SLC1A3: variants seen among roughly 807,000 people sequenced by gnomAD.
SLC1A3 encodes solute carrier family 1 member 3.
Under a neutral mutation model 48.1 loss-of-function variants are expected in SLC1A3, and 21 were observed. The observed-to-expected ratio is 0.44, with a 90% CI of 0.31 to 0.63. SLC1A3 has a LOEUF of 0.63. Among genes scored for constraint, SLC1A3 ranks in the 20% least tolerant of loss-of-function variants. The pLI, the probability that SLC1A3 is intolerant of heterozygous loss-of-function variation, is 0.08. For synonymous variants in SLC1A3, 239 were observed against 251.4 expected, an observed-to-expected ratio of 0.95 and a Z score of 0.47; for missense variants, 546 against 689.0, an observed-to-expected ratio of 0.79 and a Z score of 2.32.
intron 3 of SLC1A3, among the ~76,000 whole-genome samples, chr5:36,660,817 T>C (rs1417590137): frequency 6.6e-6 from 1 of 152,196 alleles, no homozygotes; most frequent in Non-Finnish European, 1.5e-5. Flanking sequence ...TGAAAGGGGG[T>C]GCCGTTGGCC....
At chr5:36,662,077 G>A (rs550150089) in intron 3 of SLC1A3, among the ~76,000 whole-genome samples, 26 of 152,328 alleles carry the variant, frequency 1.7e-4, no homozygotes, top group African/African-American at 5.1e-4. Context: ...TGGAAAGAAA[G>A]GGAGACAGGC....
rs1183605315 is a variant in SLC1A3, at chr5:36,687,784, G to T, written c.*1515G>T. 1 of 152,578 alleles carries T rather than the reference G, an allele frequency of 6.6e-6. No individual in the cohort carries two copies. The highest frequency in any genetic ancestry group is 1.9e-4 in the East Asian group (1 of 5,192). 9.5% of individuals were successfully genotyped at this position (152,578 alleles called of 1,614,324 possible). ...AGGTTATGAGAAAAAAACAGCAGGG[G>T]CATTAGTTTCAGGCAAGGCAGCTCC... On this transcript the variant is annotated 3_prime_UTR_variant, in exon 10 of 10. Coordinates refer to ENST00000265113, the MANE Select transcript of SLC1A3 (RefSeq NM_004172.5).
intron 2 of SLC1A3, among the ~76,000 whole-genome samples, chr5:36,614,783 G>T (rs979344278): frequency 1.3e-5 from 2 of 152,118 alleles, no homozygotes; most frequent in Non-Finnish European, 2.9e-5. Context: ...TGCCACTCTG[G>T]TCAGAGTGGG....
intron 3 of SLC1A3, chr5:36,666,483 C>G (rs145693715): frequency 1.3e-5 from 2 of 152,300 alleles, no homozygotes; most frequent in African/African-American, 4.8e-5. Context: ...GTTCCAGTGG[C>G]CCTGGAAGAA....
chr5:36,684,826 C>A (rs116205636), intron 9 of SLC1A3, among the ~76,000 whole-genome samples: 1 of 152,142 alleles, frequency 6.6e-6, no homozygotes, highest in East Asian at 1.9e-4. Context: ...TGTGTGAGAC[C>A]GGGCAGATTA....
chr5:36,596,663 G>C (rs1277196940), exon 1 of SLC1A3, among the ~76,000 whole-genome samples: 1 of 152,232 alleles, frequency 6.6e-6, no homozygotes, highest in Non-Finnish European at 1.5e-5. Context: ...CAGCTACCCT[G>C]TGCAGGGCTT....
intron 3 of SLC1A3, among the ~76,000 whole-genome samples, chr5:36,655,443 C>G (rs1741249017): frequency 6.6e-6 from 1 of 152,206 alleles, no homozygotes; most frequent in African/African-American, 2.4e-5. Context: ...GACTGGCTGC[C>G]TCCTGAGTGC....
intron 3 of SLC1A3, among the ~76,000 whole-genome samples, chr5:36,662,797 C>CG (rs1741570351): frequency 6.6e-6 from 1 of 152,170 alleles, no homozygotes; most frequent in African/African-American, 2.4e-5. Flanking sequence ...CTGGGAAGAT[C>CG]GCGGGACTGT....
chr5:36,683,809 C>T, intron 8 of SLC1A3, 55 bp from the exon 9 acceptor site: 1 of 1,606,802 alleles, frequency 6.2e-7, no homozygotes, highest in East Asian at 2.2e-5. Context: ...AGCGTATATG[C>T]TCTACGTGGG....
Position 36,686,255 on chromosome 5 carries a change from G to A in SLC1A3, c.1615G>A (p.Glu539Lys). ...DNETEKPIDS[E>K]TKM is the part of the protein sequence containing the mutation. ...TGAAACTGAGAAACCCATCGACAGT[G>A]AAACCAAGATGTAGACTAACATAAA... Residue 539 changes from glutamate (E) to lysine (K), a missense_variant, in exon 10 of 10, where the codon GAA (glutamate) becomes AAA (lysine). This residue lies in a region of SLC1A3 where 56 missense variants were observed against 59.0 expected (regional missense o/e 0.95). Transcript: ENST00000265113. 1 of 1,612,604 alleles carries A rather than the reference G, an allele frequency of 6.2e-7. No individual in the cohort carries two copies.
chr5:36,599,446 G>A (rs148746664), intron 1 of SLC1A3, among the ~76,000 whole-genome samples: 21 of 149,362 alleles, frequency 1.4e-4, no homozygotes, highest in Middle Eastern at 3.7e-3. Flanking sequence ...TGCCACCTAC[G>A]TCCCTAGGAA....
At chr5:36,636,757 T>C (rs1740407587) in intron 3 of SLC1A3, among the ~76,000 whole-genome samples, 1 of 151,994 alleles carries the variant, frequency 6.6e-6, no homozygotes. Context: ...GAAAAGGTGC[T>C]TGACAGGCTT....
At chr5:36,683,778 T>C in intron 8 of SLC1A3, 86 bp from the exon 9 acceptor site, 1 of 1,446,790 alleles carries the variant, frequency 6.9e-7, no homozygotes, top group Non-Finnish European at 9.7e-7. Context: ...AAGTCAGGCA[T>C]CGGCACCGTG....
At position 36,629,566 on chromosome 5, in the gene SLC1A3, A is replaced by G. The variant is rs1740054514; in HGVS notation, c.298A>G (p.Ile100Val). 6.2e-7 allele frequency: 1 copy of G among 1,613,062 alleles called. No individual in the cohort carries two copies. The highest frequency in any genetic ancestry group is 8.5e-7 in the Non-Finnish European group (1 of 1,179,510). ...GTTACAGATGCTGGTCTTACCACTT[A>G]TCATCTCCAGTCTTGTCACAGGTAC... ...RMLQMLVLPL[I>V]ISSLVTGMAA... The change falls in exon 3 of 10, where the codon ATC becomes GTC. Residue 100 changes from isoleucine to valine, a missense_variant. This residue lies in a region of SLC1A3 where 348 missense variants were observed against 392.0 expected (regional missense o/e 0.89). Transcript: ENST00000265113.
At chr5:36,651,233 G>C (rs1400583752) in intron 3 of SLC1A3, among the ~76,000 whole-genome samples, 3 of 150,360 alleles carry the variant, frequency 2.0e-5, no homozygotes, top group Non-Finnish European at 4.4e-5. Flanking sequence ...CCCACACCAG[G>C]CTTGCTGACT....
At chr5:36,674,753 A>G (rs538516995) in intron 5 of SLC1A3, among the ~76,000 whole-genome samples, 30 of 152,250 alleles carry the variant, frequency 2.0e-4, no homozygotes, top group South Asian at 6.2e-4. Context: ...TCGGAATTCA[A>G]ATTCATTGTG....
At chr5:36,632,810 C>T (rs368926448) in intron 3 of SLC1A3, among the ~76,000 whole-genome samples, 2 of 152,184 alleles carry the variant, frequency 1.3e-5, no homozygotes, top group South Asian at 4.1e-4. Flanking sequence ...ATATTTTTTA[C>T]TTGAAACATC....
chr5:36,653,875 G>A (rs1280889748), intron 3 of SLC1A3, among the ~76,000 whole-genome samples: 4 of 152,214 alleles, frequency 2.6e-5, no homozygotes, highest in South Asian at 2.1e-4. Context: ...AGAGAGCCTC[G>A]CTCTGTCGCC....
At chr5:36,614,211 C>T (rs1739333478) in intron 2 of SLC1A3, among the ~76,000 whole-genome samples, 1 of 152,204 alleles carries the variant, frequency 6.6e-6, no homozygotes, top group African/African-American at 2.4e-5. Flanking sequence ...AAGTGCTTGC[C>T]AGGTAAAGTG....
Sources: allele counts gnomAD v4.1 joint callset (sites outside exome capture counted in the v4.1 genomes callset), GRCh38; gene constraint gnomAD v4.1.1; regional missense constraint gnomAD v4.1.1; transcripts MANE v1.5; gene names NCBI Gene and HGNC (gene_info 2026-07-23, HGNC 2026-07-21).